PGM2: variants seen among roughly 807,000 people sequenced by gnomAD.
PGM2 encodes phosphopentomutase.
Under a neutral mutation model 74.6 loss-of-function variants are expected in PGM2, and 57 were observed. That is an observed-to-expected ratio of 0.76 (90% CI 0.62 to 0.95). The LOEUF is 0.95. Among genes scored for constraint, PGM2 ranks in the 40% least tolerant of loss-of-function variants. PGM2 has a pLI of 0.00. For missense variants in PGM2, 706 were observed against 741.9 expected, an observed-to-expected ratio of 0.95 and a Z score of 0.56; for synonymous variants, 273 against 260.7, an observed-to-expected ratio of 1.05 and a Z score of -0.46.
At chr4:37,844,046 C>G (rs1427499662) in intron 6 of PGM2, among the ~76,000 whole-genome samples, 2 of 152,064 alleles carry the variant, frequency 1.3e-5, no homozygotes, top group Non-Finnish European at 2.9e-5. Flanking sequence ...GTAGCACTGT[C>G]AGGGCACCTG....
chr4:37,830,182 T>C (rs1210956587), intron 2 of PGM2, 51 bp downstream of exon 2: 2 of 1,310,840 alleles, frequency 1.5e-6, no homozygotes, highest in African/African-American at 1.5e-5. Flanking sequence ...CCTAGCTCAT[T>C]TTCTATTTGG....
Position 37,847,349 on chromosome 4 carries a change from T to A in PGM2, c.1282+54T>A, listed in dbSNP as rs1384794734. On this transcript the variant is annotated intron_variant, in intron 10 of 13. Coordinates refer to ENST00000381967, the MANE Select transcript of PGM2 (RefSeq NM_018290.4). ...TTGGCTGCAAGGCAAAAGGAAAAGGTTTGGATTGGGATTCAAAGATCCACA... is the reference window on the plus strand; with the variant it reads ...TTGGCTGCAAGGCAAAAGGAAAAGGATTGGATTGGGATTCAAAGATCCACA... 8 of 1,312,572 alleles carry A rather than the reference T, an allele frequency of 6.1e-6. No homozygotes were observed. In the South Asian group the frequency reaches 9.6e-5, roughly 16 times the overall value. The allele number at this position is 1,312,572 out of a possible 1,614,324, so 81.3% of individuals were successfully genotyped here. A position where few individuals can be genotyped will look rare whatever the true frequency, so the allele number is the denominator to read the frequency against.
At chr4:37,831,925 G>A (rs529354963) in intron 2 of PGM2, among the ~76,000 whole-genome samples, 10 of 152,216 alleles carry the variant, frequency 6.6e-5, no homozygotes, top group African/African-American at 2.4e-4. Context: ...CCTGCCATTG[G>A]GCCTAATTGT....
rs1231111185 is a variant in PGM2 at position 37,826,698 on chromosome 4, C to T, written c.-35C>T. ...CGGGCCGGAAGGCAGATCTCACCGC[C>T]TGCTTCCCTCTGCAGCGGTAGCACA... is the stretch of plus-strand genomic sequence containing the variant. On this transcript the variant is annotated 5_prime_UTR_variant, in exon 1 of 14. Transcript: ENST00000381967. 1 of 1,510,708 alleles carries T rather than the reference C, an allele frequency of 6.6e-7. No homozygotes were observed. Among genetic ancestry groups the T allele is most frequent in the Non-Finnish European group, 9.0e-7 (1 of 1,110,718 alleles). 93.6% of individuals were successfully genotyped at this position (1,510,708 alleles called of 1,614,324 possible).
chr4:37,858,820 G>A (rs551591123), intron 13 of PGM2, among the ~76,000 whole-genome samples: 1 of 152,184 alleles, frequency 6.6e-6, no homozygotes, highest in South Asian at 2.1e-4. Context: ...TTTTGTCAGG[G>A]GAGATGTCCT....
intron 2 of PGM2, among the ~76,000 whole-genome samples, 156 bp downstream of exon 2, chr4:37,830,287 A>G (rs1725407228): frequency 6.6e-6 from 1 of 152,222 alleles, no homozygotes; most frequent in African/African-American, 2.4e-5. Flanking sequence ...GGCTTGCACA[A>G]TAGGTCGAAG....
In PGM2 at chr4:37,847,030, C is replaced by CA; in HGVS notation, c.1110dup (p.Asp371ArgfsTer26). The CA allele has an allele frequency of 6.2e-7, 1 of 1,613,524 alleles. No individual in the cohort carries two copies. Among genetic ancestry groups the CA allele is most frequent in the Non-Finnish European group, 8.5e-7 (1 of 1,179,514 alleles). On this transcript the variant is annotated frameshift_variant, in exon 9 of 14. Transcript: ENST00000381967. LOFTEE classifies it high-confidence loss of function. ...AGAAGAACCAGGATCGCAGTGCTCT[C>CA]AAAGACACGTACATGTTGTCCAGCA...
chr4:37,832,567 T>C (rs1725466547), intron 2 of PGM2, among the ~76,000 whole-genome samples: 2 of 152,222 alleles, frequency 1.3e-5, no homozygotes, highest in Non-Finnish European at 2.9e-5. Flanking sequence ...TTTTGTATTG[T>C]TTGCCTCATT....
intron 13 of PGM2, among the ~76,000 whole-genome samples, chr4:37,857,195 C>G (rs1324047929): frequency 6.6e-6 from 1 of 152,178 alleles, no homozygotes; most frequent in Non-Finnish European, 1.5e-5. Flanking sequence ...AATTTAGTTT[C>G]TCAGTGGCGC....
chr4:37,846,901 A>ATGG (rs2152178869), intron 8 of PGM2, 30 bp from the exon 9 acceptor site: 1 of 1,550,896 alleles, frequency 6.4e-7, no homozygotes, highest in Non-Finnish European at 8.7e-7. Flanking sequence ...ATGGAAATGA[A>ATGG]TGGTGGTTGT....
At chr4:37,835,768 A>G (rs1029126507) in intron 3 of PGM2, among the ~76,000 whole-genome samples, 1 of 152,182 alleles carries the variant, frequency 6.6e-6, no homozygotes, top group Non-Finnish European at 1.5e-5. Context: ...GCCGGGGAAA[A>G]TCACCCGGTG....
In PGM2 at chr4:37,826,823, A is replaced by G; in HGVS notation, c.81+10A>G. 2.0e-6 allele frequency: 3 copies of G among 1,532,184 alleles called. No homozygotes were observed. The highest frequency in any genetic ancestry group is 3.7e-4 in the Middle Eastern group (2 of 5,470). 94.9% of individuals were successfully genotyped at this position (1,532,184 alleles called of 1,614,324 possible). ...GCTGCGCTGGGACAAGGTGAGGGGC[A>G]CCAGCAGGCGGGGAGCGCCTGGAGC... On this transcript the variant is annotated intron_variant, in intron 1 of 13. Coordinates refer to ENST00000381967, the MANE Select transcript of PGM2 (RefSeq NM_018290.4).
chr4:37,853,639 T>C (rs1175954080), intron 12 of PGM2, among the ~76,000 whole-genome samples: 1 of 152,082 alleles, frequency 6.6e-6, no homozygotes, highest in Non-Finnish European at 1.5e-5. Context: ...TCAGAGGATA[T>C]TGGTAGCAAG....
intron 6 of PGM2, among the ~76,000 whole-genome samples, chr4:37,841,158 T>TGTGTGTGTGTG (rs1577676435): frequency 2.8e-4 from 28 of 101,456 alleles, no homozygotes; most frequent in Middle Eastern, 4.8e-3. Context: ...ATAGGAATAT[T>TGTGTGTGTGTG]TGTGTGTGTG....
At position 37,845,589 on chromosome 4, in the gene PGM2, C is replaced by T. The variant is rs189905771; in HGVS notation, c.910-44C>T. 8 of 1,308,122 alleles carry T rather than the reference C, an allele frequency of 6.1e-6. No homozygotes were observed. In the Admixed American group the frequency reaches 6.7e-5, roughly 11 times the overall value. 81.0% of individuals were successfully genotyped at this position (1,308,122 alleles called of 1,614,324 possible). ...ATGTTTTTAAAGACTATCATATGCT[C>T]GATTCTTGATTAAATAATCTTTTAT... On this transcript the variant is annotated intron_variant, in intron 7 of 13. Transcript: ENST00000381967.
At chr4:37,836,367 C>G (rs541078230) in intron 3 of PGM2, among the ~76,000 whole-genome samples, 1 of 152,276 alleles carries the variant, frequency 6.6e-6, no homozygotes, top group East Asian at 1.9e-4. Flanking sequence ...GTAAAATATT[C>G]ATGATGAGTG....
chr4:37,832,315 A>G (rs983234702), intron 2 of PGM2, among the ~76,000 whole-genome samples: 6 of 152,210 alleles, frequency 3.9e-5, no homozygotes, highest in Admixed American at 2.6e-4. Context: ...GGATTCCCAG[A>G]ACAAACAACC....
At position 37,844,572 on chromosome 4, in the gene PGM2, A is replaced by T. The variant is rs530905564; in HGVS notation, c.909+19A>T. ...TGTCTTGGTAACCTAATTTTTTTTT[A>T]AATTATGAAATCTGCTTTTATATTC... On this transcript the variant is annotated intron_variant, in intron 7 of 13. Transcript: ENST00000381967. 4.7e-5 allele frequency: 67 copies of T among 1,428,174 alleles called. 1 individual carries two copies. The highest frequency in any genetic ancestry group is 4.0e-4 in the South Asian group (33 of 82,232). The allele number at this position is 1,428,174 out of a possible 1,614,324, so 88.5% of individuals were successfully genotyped here.
At chr4:37,854,755 GT>G (rs554379452) in intron 12 of PGM2, among the ~76,000 whole-genome samples, 105 of 150,690 alleles carry the variant, frequency 7.0e-4, no homozygotes, top group African/African-American at 1.7e-3. Flanking sequence ...CTAGTTTGAG[GT>G]TTTTTTTTGT....
Sources: gnomAD v4.1 joint callset for allele counts (sites outside exome capture counted in the v4.1 genomes callset) on GRCh38, gnomAD v4.1.1 for gene constraint, MANE v1.5 for transcripts, NCBI Gene and HGNC (gene_info 2026-07-23, HGNC 2026-07-21) for gene names.